The following MARCHF4 variants were observed in gnomAD, a reference collection of about 807,000 sequenced individuals.
The protein encoded by MARCHF4 is membrane associated ring-CH-type finger 4.
MARCHF4 carries 14 observed loss-of-function variants against 43.9 expected under a neutral mutation model. That is an observed-to-expected ratio of 0.32 (90% confidence interval 0.21 to 0.50). The LOEUF is 0.50. Ranked by LOEUF, MARCHF4 falls within the 20% of genes least tolerant of loss-of-function variation. The pLI is 0.98. For missense variants in MARCHF4, 468 were observed against 536.7 expected (o/e 0.87, Z 1.27); for synonymous variants, 226 against 213.3 (o/e 1.06, Z -0.52).
At chr2:216,289,007 A>G (rs10179270) in intron 1 of MARCHF4, among the ~76,000 whole-genome samples, 7,730 of 148,208 alleles carry the variant, frequency 0.052, 668 homozygotes, top group African/African-American at 0.18. Context: ...AGGAATTTAT[A>G]TATATCTATA....
intron 3 of MARCHF4, among the ~76,000 whole-genome samples, chr2:216,268,316 C>T (rs773425128): frequency 6.6e-6 from 1 of 152,090 alleles, no homozygotes; most frequent in Non-Finnish European, 1.5e-5. Context: ...GATTAGTAGC[C>T]GATATGGTTT....
At chr2:216,324,110 C>T (rs1335221874) in intron 1 of MARCHF4, among the ~76,000 whole-genome samples, 4 of 147,826 alleles carry the variant, frequency 2.7e-5, no homozygotes, top group African/African-American at 1.0e-4. Flanking sequence ...CAAATAGACG[C>T]AATAAAAAAT....
At chr2:216,317,237 T>C (rs1308200507) in intron 1 of MARCHF4, among the ~76,000 whole-genome samples, 1 of 152,204 alleles carries the variant, frequency 6.6e-6, no homozygotes, top group African/African-American at 2.4e-5. Context: ...TATTTTCTTA[T>C]CTCATAGAAG....
chr2:216,341,496 C>T (rs1278632487), intron 1 of MARCHF4, among the ~76,000 whole-genome samples: 1 of 152,158 alleles, frequency 6.6e-6, no homozygotes, highest in Non-Finnish European at 1.5e-5. Context: ...GGGCCCTCTT[C>T]TGTTAGCCTC....
chr2:216,286,899 A>G (rs1016905989), intron 1 of MARCHF4, among the ~76,000 whole-genome samples: 5 of 152,242 alleles, frequency 3.3e-5, no homozygotes, highest in African/African-American at 7.2e-5. Flanking sequence ...GTTAAAAGCT[A>G]CATGGACACT....
intron 1 of MARCHF4, among the ~76,000 whole-genome samples, chr2:216,336,497 A>C (rs1692158864): frequency 6.6e-6 from 1 of 152,110 alleles, no homozygotes; most frequent in Non-Finnish European, 1.5e-5. Flanking sequence ...TAATCAGTAC[A>C]TTTGTTAAAT....
At chr2:216,296,131 G>A (rs1691389423) in intron 1 of MARCHF4, among the ~76,000 whole-genome samples, 1 of 152,136 alleles carries the variant, frequency 6.6e-6, no homozygotes, top group Admixed American at 6.5e-5. Context: ...GGGCAACAGA[G>A]CAAGACTCCA....
chr2:216,296,767 T>C (rs1168013739), intron 1 of MARCHF4, among the ~76,000 whole-genome samples: 1 of 152,214 alleles, frequency 6.6e-6, no homozygotes, highest in African/African-American at 2.4e-5. Context: ...TATTTCTTCT[T>C]CATTATCAGC....
intron 1 of MARCHF4, among the ~76,000 whole-genome samples, chr2:216,352,395 T>C (rs1559105961): frequency 1.3e-5 from 2 of 152,208 alleles, no homozygotes; most frequent in African/African-American, 4.8e-5. Context: ...TCGACACAAC[T>C]CTACTGCCCA....
At chr2:216,368,874 G>A (rs1036207739) in intron 1 of MARCHF4, among the ~76,000 whole-genome samples, 2 of 152,190 alleles carry the variant, frequency 1.3e-5, no homozygotes, top group Non-Finnish European at 2.9e-5. Flanking sequence ...ATACTAGATT[G>A]TAGGTGAACT....
At chr2:216,334,806 G>T (rs578045255) in intron 1 of MARCHF4, among the ~76,000 whole-genome samples, 1 of 152,324 alleles carries the variant, frequency 6.6e-6, no homozygotes, top group Non-Finnish European at 1.5e-5. Context: ...AAGAAAGCAG[G>T]CTGTTTTATC....
intron 1 of MARCHF4, among the ~76,000 whole-genome samples, chr2:216,348,814 T>A (rs1692359064): frequency 6.6e-6 from 1 of 152,182 alleles, no homozygotes; most frequent in Non-Finnish European, 1.5e-5. Context: ...TTAGACATAT[T>A]CACTGCACAA....
chr2:216,277,583 G>T, intron 3 of MARCHF4, 89 bp downstream of exon 3: 1 of 1,366,412 alleles, frequency 7.3e-7, no homozygotes, highest in Non-Finnish European at 1.0e-6. Context: ...ATCTGCTTCA[G>T]CCTCCCACAG....
rs144546941 is a variant in MARCHF4, at chr2:216,318,925, G to A, written c.517-35196C>T. On this transcript the variant is annotated intron_variant, in intron 1 of 3. Transcript: ENST00000273067. Reference sequence around the variant, plus strand: ...GAAAGCAGTCTATGTAGGGGAGGTAGGATTATGGATTTTCTTTTCTTTTTT... The same window carrying A: ...GAAAGCAGTCTATGTAGGGGAGGTAAGATTATGGATTTTCTTTTCTTTTTT... Among the ~76,000 whole-genome samples the A allele has an allele frequency of 3.9e-4, 59 of 152,200 alleles. 1 individual carries two copies. In the East Asian group the frequency reaches 0.011, roughly 28 times the overall value.
At chr2:216,282,117 C>T (rs766199834) in intron 2 of MARCHF4, among the ~76,000 whole-genome samples, 12 of 152,062 alleles carry the variant, frequency 7.9e-5, no homozygotes, top group Non-Finnish European at 1.8e-4. Flanking sequence ...CGTGACACTG[C>T]TATTTTAAGA....
intron 1 of MARCHF4, among the ~76,000 whole-genome samples, chr2:216,317,149 C>A (rs143332801): frequency 6.6e-6 from 1 of 152,150 alleles, no homozygotes; most frequent in Non-Finnish European, 1.5e-5. Flanking sequence ...CTTTCATTGG[C>A]GTCTTTATAG....
intron 3 of MARCHF4, among the ~76,000 whole-genome samples, chr2:216,274,884 A>G (rs1690996349): frequency 1.7e-5 from 2 of 116,436 alleles, no homozygotes; most frequent in Admixed American, 8.9e-5. Context: ...ATTATAATCA[A>G]TACAATGATA....
chr2:216,316,587 A>G (rs1219085797), intron 1 of MARCHF4, among the ~76,000 whole-genome samples: 1 of 152,178 alleles, frequency 6.6e-6, no homozygotes, highest in African/African-American at 2.4e-5. Flanking sequence ...GGACAGGGTC[A>G]GAAGAACTGA....
chr2:216,362,120 T>C (rs772959291), intron 1 of MARCHF4, among the ~76,000 whole-genome samples: 1 of 152,200 alleles, frequency 6.6e-6, no homozygotes, highest in Non-Finnish European at 1.5e-5. Flanking sequence ...TCTGCAATAG[T>C]ATAAGGAAAT....
Sources: allele counts gnomAD v4.1 joint callset (sites outside exome capture counted in the v4.1 genomes callset), GRCh38; gene constraint gnomAD v4.1.1; transcripts MANE v1.5; gene names NCBI Gene and HGNC (gene_info 2026-07-23, HGNC 2026-07-21).